FAM193A: variants seen among roughly 807,000 people sequenced by gnomAD.
FAM193A encodes family with sequence similarity 193 member A.
In FAM193A, 22 loss-of-function variants were observed where a neutral mutation model predicts 126.5. The ratio of observed to expected loss-of-function variants is 0.17; its 90% CI spans 0.12 to 0.25. FAM193A has a LOEUF of 0.25. Among genes scored for constraint, FAM193A ranks in the 10% least tolerant of loss-of-function variants. FAM193A has a pLI of 1.00. For synonymous variants in FAM193A, 761 were observed against 646.8 expected (o/e 1.18, Z -2.68); for missense variants, 1,675 against 1,672.8 (o/e 1.00, Z -0.02).
intron 4 of FAM193A, among the ~76,000 whole-genome samples, chr4:2,627,877 G>C (rs1388263913): frequency 6.6e-6 from 1 of 151,972 alleles, no homozygotes; most frequent in Non-Finnish European, 1.5e-5. Context: ...CGAGTAGCTG[G>C]GACTACAGGC....
chr4:2,624,334 G>A (rs1055668021), intron 2 of FAM193A, among the ~76,000 whole-genome samples: 2 of 152,150 alleles, frequency 1.3e-5, no homozygotes, highest in East Asian at 1.9e-4. Context: ...TAGAAGAGAC[G>A]GATTTCACCG....
At chr4:2,631,285 G>T (rs746220944) in intron 5 of FAM193A, 116 bp downstream of exon 5, 149 of 861,918 alleles carry the variant, frequency 1.7e-4, no homozygotes, top group Non-Finnish European at 2.4e-4. Context: ...CACACACTGT[G>T]ATAGGCCCCT....
At chr4:2,555,682 A>G (rs912927016) in intron 1 of FAM193A, among the ~76,000 whole-genome samples, 1 of 152,192 alleles carries the variant, frequency 6.6e-6, no homozygotes, top group African/African-American at 2.4e-5. Context: ...CAGTGGCGCA[A>G]TCTCGGCTCG....
chr4:2,632,427 C>T (rs1477778770), intron 5 of FAM193A, among the ~76,000 whole-genome samples: 5 of 152,004 alleles, frequency 3.3e-5, no homozygotes, highest in Non-Finnish European at 7.4e-5. Flanking sequence ...ATTAAATTAA[C>T]CAGGCGTGAT....
At chr4:2,677,944 TTTTCA>T (rs1275170948) in intron 13 of FAM193A, among the ~76,000 whole-genome samples, 9 of 152,116 alleles carry the variant, frequency 5.9e-5, no homozygotes, top group South Asian at 2.1e-4. Flanking sequence ...ATGGTATGTG[TTTTCA>T]TTTATTTATG....
At chr4:2,716,272 C>T (rs1034824456) in intron 20 of FAM193A, among the ~76,000 whole-genome samples, 168 bp downstream of exon 20, 2 of 152,234 alleles carry the variant, frequency 1.3e-5, no homozygotes, top group Non-Finnish European at 2.9e-5. Context: ...CAGCCACACA[C>T]ACCCCTCCCA....
chr4:2,601,331 C>G (rs1741186130), intron 2 of FAM193A, among the ~76,000 whole-genome samples: 1 of 145,840 alleles, frequency 6.9e-6, no homozygotes, highest in Non-Finnish European at 1.5e-5. Flanking sequence ...CTCCCGGGTT[C>G]AAGCGATTCT....
intron 13 of FAM193A, among the ~76,000 whole-genome samples, chr4:2,672,706 A>T (rs922702275): frequency 6.6e-6 from 1 of 152,238 alleles, no homozygotes; most frequent in Non-Finnish European, 1.5e-5. Context: ...GTGATCTTCC[A>T]GGGCTTGCTC....
chr4:2,545,694 T>A (rs1052175804), intron 1 of FAM193A, among the ~76,000 whole-genome samples: 1 of 152,144 alleles, frequency 6.6e-6, no homozygotes, highest in South Asian at 2.1e-4. Flanking sequence ...ATTAAAAAAA[T>A]TTTTTGAAAC....
chr4:2,671,329 G>GA (rs1464830446), intron 12 of FAM193A, among the ~76,000 whole-genome samples: 1 of 152,214 alleles, frequency 6.6e-6, no homozygotes, highest in Non-Finnish European at 1.5e-5. Context: ...CAAGGGAACA[G>GA]AGCTGCAGGC....
At chr4:2,685,529 G>C (rs961398651) in intron 13 of FAM193A, among the ~76,000 whole-genome samples, 15 of 152,190 alleles carry the variant, frequency 9.9e-5, no homozygotes, top group Non-Finnish European at 1.9e-4. Context: ...AACTGGCACA[G>C]CCAAAGCAAA....
chr4:2,550,772 TTTATTTATTTATTTATTTATTTA>T (rs1401191609), intron 1 of FAM193A, among the ~76,000 whole-genome samples: 1 of 1,932 alleles, frequency 5.2e-4, no homozygotes, highest in Non-Finnish European at 9.9e-4. Context: ...AATTTATATT[TTTATTTATTTATTTATTTATTTA>T]TTTATTTATT....
chr4:2,726,389 C>G (rs189341564), intron 20 of FAM193A, among the ~76,000 whole-genome samples: 8 of 152,118 alleles, frequency 5.3e-5, no homozygotes, highest in Non-Finnish European at 7.4e-5. Context: ...TTCTTTTTTT[C>G]TTAAAAACTT....
chr4:2,724,637 C>T (rs1269407506), intron 20 of FAM193A, among the ~76,000 whole-genome samples: 2 of 152,082 alleles, frequency 1.3e-5, no homozygotes, highest in African/African-American at 4.8e-5. Context: ...TCACTTGAGC[C>T]CAGGAGTTTG....
At chr4:2,619,092 A>C (rs1372510136) in intron 2 of FAM193A, among the ~76,000 whole-genome samples, 1 of 151,942 alleles carries the variant, frequency 6.6e-6, no homozygotes, top group African/African-American at 2.4e-5. Flanking sequence ...TAATCTGCCA[A>C]GTGTGTTTAG....
chr4:2,598,009 A>G (rs1740968661), intron 2 of FAM193A, among the ~76,000 whole-genome samples: 1 of 152,050 alleles, frequency 6.6e-6, no homozygotes, highest in Non-Finnish European at 1.5e-5. Context: ...GGTTCAAGCA[A>G]TTCTTCTGCC....
chr4:2,623,402 C>A (rs1171369256), intron 2 of FAM193A, among the ~76,000 whole-genome samples: 3 of 152,128 alleles, frequency 2.0e-5, no homozygotes, highest in Non-Finnish European at 4.4e-5. Context: ...GATCTCTTGA[C>A]CTCGTGATCT....
At chr4:2,626,620 G>T (rs1742992668) in intron 4 of FAM193A, 43 bp downstream of exon 4, 1 of 670,026 alleles carries the variant, frequency 1.5e-6, no homozygotes, top group African/African-American at 1.8e-5. Context: ...GCAAACCCCT[G>T]CCCTCCCTGC....
intron 17 of FAM193A, chr4:2,696,156 A>C: frequency 2.0e-6 from 1 of 503,614 alleles, no homozygotes; most frequent in African/African-American, 1.9e-5. Context: ...TGAATATGTA[A>C]AATTTGAGAG....
Sources: allele counts gnomAD v4.1 joint callset (sites outside exome capture counted in the v4.1 genomes callset), GRCh38; gene constraint gnomAD v4.1.1; transcripts MANE v1.5; gene names NCBI Gene and HGNC (gene_info 2026-07-23, HGNC 2026-07-21).